Variants in CAPZB observed in about 807,000 individuals in gnomAD.
The protein encoded by CAPZB is capping actin protein of muscle Z-line subunit beta.
Under a neutral mutation model 38.1 loss-of-function variants are expected in CAPZB, and 2 were observed. That is an observed-to-expected ratio of 0.05 (90% CI 0.02 to 0.17). CAPZB has a LOEUF of 0.17. CAPZB is among the 10% of genes least tolerant of loss of function. The pLI, the probability that CAPZB is intolerant of heterozygous loss-of-function variation, is 1.00. For synonymous variants in CAPZB, 107 were observed against 127.4 expected, an observed-to-expected ratio of 0.84 and a Z score of 1.08; for missense variants, 161 against 334.2, an observed-to-expected ratio of 0.48 and a Z score of 4.04.
chr1:19,456,570 C>T (rs556014202), intron 1 of CAPZB, among the ~76,000 whole-genome samples: 9 of 152,102 alleles, frequency 5.9e-5, no homozygotes, highest in Non-Finnish European at 1.2e-4. Context: ...AACTATCCCC[C>T]TACCCATGCA....
chr1:19,347,989 T>C (rs1272132703), intron 6 of CAPZB, among the ~76,000 whole-genome samples: 1 of 152,212 alleles, frequency 6.6e-6, no homozygotes, highest in African/African-American at 2.4e-5. Flanking sequence ...AACTGCTGAC[T>C]TGCAAACAGT....
chr1:19,389,269 T>G (rs1229397835), intron 2 of CAPZB, among the ~76,000 whole-genome samples: 2 of 152,054 alleles, frequency 1.3e-5, no homozygotes, highest in Non-Finnish European at 2.9e-5. Context: ...ACGGTCCCAT[T>G]CACCACTCCC....
At chr1:19,450,144 CAAAAAAAAA>C (rs71008167) in intron 1 of CAPZB, among the ~76,000 whole-genome samples, 4 of 35,452 alleles carry the variant, frequency 1.1e-4, no homozygotes, top group Admixed American at 4.0e-4. Context: ...ACCCTGTCTC[CAAAAAAAAA>C]AAAAAAAAAA....
chr1:19,343,383 C>A (rs2093943064), intron 8 of CAPZB, among the ~76,000 whole-genome samples: 1 of 152,188 alleles, frequency 6.6e-6, no homozygotes, highest in Non-Finnish European at 1.5e-5. Flanking sequence ...TGCAGCCTGC[C>A]TCTCCTCTGG....
chr1:19,375,645 G>T (rs1388354152), intron 4 of CAPZB, among the ~76,000 whole-genome samples: 1 of 152,196 alleles, frequency 6.6e-6, no homozygotes, highest in African/African-American at 2.4e-5. Context: ...CTTCAGAGAG[G>T]AGTGTGTAGG....
In CAPZB at chr1:19,458,397, A is replaced by G. The variant is rs1191059456; in HGVS notation, c.3+27039T>C. On this transcript the variant is annotated intron_variant, in intron 1 of 8. Coordinates refer to ENST00000264202, the MANE Select transcript of CAPZB (RefSeq NM_004930.5). ...AGACGGAGTTTCACTCCTGTTGCCC[A>G]GGCTGGAGTGCAGTGGTGCGATCTC... Among the ~76,000 whole-genome samples the G allele has an allele frequency of 2.0e-5, 3 of 152,236 alleles. No homozygotes were observed. In the South Asian group the frequency reaches 6.2e-4, roughly 32 times the overall value.
In CAPZB at chr1:19,406,138, G is replaced by A. The variant is rs553923388; in HGVS notation, c.93+13523C>T. 2.8e-4 allele frequency among the ~76,000 whole-genome samples: 43 copies of A among 152,344 alleles called. 1 individual carries two copies. Among genetic ancestry groups the A allele is most frequent in the South Asian group, 1.0e-3 (5 of 4,826 alleles). Reference sequence around the variant, plus strand: ...ATGTGGCAAAGGGCAACCGCAAACCGTCTGATTAGTGAATAAGAAGTGTCC... The same window carrying A: ...ATGTGGCAAAGGGCAACCGCAAACCATCTGATTAGTGAATAAGAAGTGTCC... On this transcript the variant is annotated intron_variant, in intron 2 of 8. Coordinates refer to ENST00000264202, the MANE Select transcript of CAPZB (RefSeq NM_004930.5).
At chr1:19,418,569 AT>A (rs1180063185) in intron 2 of CAPZB, among the ~76,000 whole-genome samples, 3 of 152,110 alleles carry the variant, frequency 2.0e-5, no homozygotes, top group African/African-American at 7.2e-5. Context: ...CACTTCCTGA[AT>A]TACTATGAAT....
intron 1 of CAPZB, among the ~76,000 whole-genome samples, chr1:19,430,890 C>T (rs943412533): frequency 1.3e-5 from 2 of 152,188 alleles, no homozygotes; most frequent in South Asian, 2.1e-4. Flanking sequence ...AAACTCATTG[C>T]TCAGGATGGC....
chr1:19,390,953 C>T (rs1342838166), intron 2 of CAPZB, among the ~76,000 whole-genome samples: 1 of 152,122 alleles, frequency 6.6e-6, no homozygotes, highest in Non-Finnish European at 1.5e-5. Context: ...GGAAACAGGG[C>T]CTTAGAGAAA....
At chr1:19,453,467 G>T (rs1210150987) in intron 1 of CAPZB, among the ~76,000 whole-genome samples, 2 of 151,826 alleles carry the variant, frequency 1.3e-5, no homozygotes, top group Non-Finnish European at 2.9e-5. Context: ...CACCATGTTG[G>T]CCAGGCTGGA....
intron 2 of CAPZB, among the ~76,000 whole-genome samples, chr1:19,389,321 T>C (rs145624964): frequency 4.6e-5 from 7 of 152,246 alleles, no homozygotes; most frequent in African/African-American, 1.2e-4. Context: ...ATCTTCCCCA[T>C]TGAGGGTTGC....
chr1:19,484,156 C>G lies in CAPZB; in HGVS notation c.3+1280G>C, dbSNP rs757036137. The G allele has an allele frequency of 1.9e-6, 3 of 1,599,070 alleles. No homozygotes were observed. In the African/African-American group the frequency reaches 4.0e-5, roughly 21 times the overall value. The stretch of plus-strand genomic sequence containing the variant: ...TCTTTACCAAAACAAACACCACGAG[C>G]GGAGCCAGCACTCTCCCTAGGCGTT... On this transcript the variant is annotated intron_variant, in intron 1 of 8. Coordinates refer to ENST00000264202, the MANE Select transcript of CAPZB (RefSeq NM_004930.5).
intron 1 of CAPZB, among the ~76,000 whole-genome samples, chr1:19,428,499 G>A (rs61334679): frequency 0.18 from 28,035 of 151,924 alleles, 3,210 homozygotes; most frequent in East Asian, 0.24. Context: ...TTGGATTACC[G>A]TGAAAACATA....
At chr1:19,354,982 G>A (rs1349425927) in intron 6 of CAPZB, among the ~76,000 whole-genome samples, 2 of 152,138 alleles carry the variant, frequency 1.3e-5, no homozygotes, top group African/African-American at 4.8e-5. Context: ...CTAGTGAGTA[G>A]TCCTGGGATG....
chr1:19,413,402 T>C (rs551859717), intron 2 of CAPZB, among the ~76,000 whole-genome samples: 20 of 152,224 alleles, frequency 1.3e-4, no homozygotes, highest in African/African-American at 1.7e-4. Flanking sequence ...GGGGTGATCA[T>C]AGCTCACTGC....
chr1:19,375,126 G>A (rs1467884456), intron 4 of CAPZB, among the ~76,000 whole-genome samples: 6 of 152,172 alleles, frequency 3.9e-5, no homozygotes, highest in Admixed American at 3.3e-4. Flanking sequence ...GGCACTCTGG[G>A]AATGGGAACT....
chr1:19,339,261 G>A lies in CAPZB; in HGVS notation c.*269C>T. The A allele has an allele frequency of 2.1e-6, 1 of 476,866 alleles. No homozygotes were observed. The highest frequency in any genetic ancestry group is 2.0e-5 in the African/African-American group (1 of 50,882). The allele number at this position is 476,866 out of a possible 1,614,324, so 29.5% of individuals were successfully genotyped here. ...CTATAAATGGGGGGACAGGGAGGAA[G>A]ACGGGGGGCCCGGGTGAACAAAAAC... On this transcript the variant is annotated 3_prime_UTR_variant, in exon 9 of 9. Coordinates refer to ENST00000264202, the MANE Select transcript of CAPZB (RefSeq NM_004930.5).
chr1:19,442,009 C>CAAAACAAAA (rs1553287699), intron 1 of CAPZB, among the ~76,000 whole-genome samples: 70 of 86,018 alleles, frequency 8.1e-4, no homozygotes, highest in East Asian at 2.4e-3. Context: ...ACTCTGTCTC[C>CAAAACAAAA]AAAAAAAAAA....
Sources: gnomAD v4.1 joint callset for allele counts (sites outside exome capture counted in the v4.1 genomes callset) on GRCh38, gnomAD v4.1.1 for gene constraint, MANE v1.5 for transcripts, NCBI Gene and HGNC (gene_info 2026-07-23, HGNC 2026-07-21) for gene names.